SYNE3: variants seen among roughly 807,000 people sequenced by gnomAD.
SYNE3 encodes spectrin repeat containing nuclear envelope family member 3, also known as nesprin-3.
A neutral mutation model predicts 111.2 loss-of-function variants in SYNE3; 100 were observed. That is an observed-to-expected ratio of 0.90 (90% confidence interval 0.77 to 1.06). SYNE3 has a LOEUF of 1.06. Ranked by LOEUF, SYNE3 falls within the 50% of genes least tolerant of loss-of-function variation. The probability of loss-of-function intolerance (pLI) is 0.00; values close to 1 mark genes in which losing one functional copy is unlikely to be tolerated. For synonymous variants in SYNE3, 547 were observed against 533.9 expected (o/e 1.02, Z -0.34); for missense variants, 1,160 against 1,240.3 (o/e 0.94, Z 0.97).
At chr14:95,462,080 C>T (rs1887861543) in intron 4 of SYNE3, among the ~76,000 whole-genome samples, 1 of 152,246 alleles carries the variant, frequency 6.6e-6, no homozygotes. Flanking sequence ...TTCGGAAGAA[C>T]ATGGCACCCT....
chr14:95,480,316 G>C (rs1485717952), intron 1 of SYNE3, among the ~76,000 whole-genome samples: 2 of 152,198 alleles, frequency 1.3e-5, no homozygotes. Context: ...GGTGTATGGA[G>C]GAGACAGAAA....
chr14:95,511,708 C>T (rs571029799), intron 1 of SYNE3, among the ~76,000 whole-genome samples: 67 of 151,920 alleles, frequency 4.4e-4, no homozygotes, highest in Non-Finnish European at 7.8e-4. Context: ...GAGCAAGACT[C>T]CTTCTCAAAA....
At chr14:95,456,800 T>C (rs1887468861) in intron 5 of SYNE3, among the ~76,000 whole-genome samples, 1 of 152,132 alleles carries the variant, frequency 6.6e-6, no homozygotes, top group Non-Finnish European at 1.5e-5. Context: ...AACTATGACA[T>C]AGGTCAGGGT....
chr14:95,460,681 G>C (rs528367342), intron 4 of SYNE3, among the ~76,000 whole-genome samples: 1 of 152,182 alleles, frequency 6.6e-6, no homozygotes, highest in Non-Finnish European at 1.5e-5. Flanking sequence ...GGATGGCTCC[G>C]GGGCTTCGGC....
chr14:95,468,658 C>A (rs1566674313), intron 2 of SYNE3, among the ~76,000 whole-genome samples: 1 of 152,238 alleles, frequency 6.6e-6, no homozygotes, highest in Non-Finnish European at 1.5e-5. Context: ...TTCCTCCCTG[C>A]TCTTCTGGCC....
At position 95,466,176 on chromosome 14, in the gene SYNE3, AGC is replaced by A; in HGVS notation, c.380_381del (p.Arg127LeufsTer73). 1 of 1,604,734 alleles carries A rather than the reference AGC, an allele frequency of 6.2e-7. No individual in the cohort carries two copies. The highest frequency in any genetic ancestry group is 8.5e-7 in the Non-Finnish European group (1 of 1,172,468). On this transcript the variant is annotated frameshift_variant, in exon 4 of 18. Coordinates refer to ENST00000682763, the MANE Select transcript of SYNE3 (RefSeq NM_152592.6). LOFTEE classifies it high-confidence loss of function. ...EYLLARDEFY[R>X]WFQKMMVTLE... is the part of the protein sequence containing the mutation. Reference sequence around the variant, plus strand: ...AGTGTGACCATCATCTTCTGGAACCAGCGGTAGAACTCATCTCGGGCCAGCAG... The same window carrying A: ...AGTGTGACCATCATCTTCTGGAACCAGGTAGAACTCATCTCGGGCCAGCAG...
chr14:95,416,014 A>G lies in SYNE3; in HGVS notation c.*1812T>C, dbSNP rs150012283. 1 of 152,280 alleles carries G rather than the reference A, an allele frequency of 6.6e-6. No individual in the cohort carries two copies. The highest frequency in any genetic ancestry group is 2.4e-5 in the African/African-American group (1 of 41,552). 9.4% of individuals were successfully genotyped at this position (152,280 alleles called of 1,614,324 possible). ...CCATCTCAAAATAATTATAATAACAATAATAATAATAACTCAGAGCCAGGC... is the reference window on the plus strand; with the variant it reads ...CCATCTCAAAATAATTATAATAACAGTAATAATAATAACTCAGAGCCAGGC... On this transcript the variant is annotated 3_prime_UTR_variant, in exon 18 of 18. Coordinates refer to ENST00000682763, the MANE Select transcript of SYNE3 (RefSeq NM_152592.6).
In SYNE3 at chr14:95,414,738, A is replaced by T. The variant is rs1595164436; in HGVS notation, c.*3088T>A. 2 of 142,504 alleles carry T rather than the reference A, an allele frequency of 1.4e-5. No homozygotes were observed. Among genetic ancestry groups the T allele is most frequent in the South Asian group, 4.6e-4 (2 of 4,368 alleles). The allele number at this position is 142,504 out of a possible 1,614,324, so 8.8% of individuals were successfully genotyped here. ...ACACACACACACACACACACGCCAC[A>T]GCGCCACCTTTCTCAAGTAGCACCT... On this transcript the variant is annotated 3_prime_UTR_variant, in exon 18 of 18. Transcript: ENST00000682763.
chr14:95,453,221 C>T (rs1887199755), intron 6 of SYNE3, among the ~76,000 whole-genome samples: 1 of 152,136 alleles, frequency 6.6e-6, no homozygotes, highest in Non-Finnish European at 1.5e-5. Flanking sequence ...ATTGACAAGG[C>T]ACTTGGTACA....
Position 95,413,195 on chromosome 14 carries a change from T to TC in SYNE3, c.*4630_*4631insG, listed in dbSNP as rs1566949861. On this transcript the variant is annotated 3_prime_UTR_variant, in exon 18 of 18. Transcript: ENST00000682763. ...CCCTCCCTTCCTCCTTTTCTCTCTC[T>TC]TCTCTCTGTCTCTTTTGCTCTCACT... 2 of 145,410 alleles carry TC rather than the reference T, an allele frequency of 1.4e-5. No individual in the cohort carries two copies. Among genetic ancestry groups the TC allele is most frequent in the East Asian group, 4.2e-4 (2 of 4,798 alleles). 9.0% of individuals were successfully genotyped at this position (145,410 alleles called of 1,614,324 possible).
chr14:95,480,999 C>T (rs537174298), intron 1 of SYNE3, among the ~76,000 whole-genome samples: 88 of 152,276 alleles, frequency 5.8e-4, no homozygotes, highest in Middle Eastern at 3.4e-3. Flanking sequence ...TCCCCACCCC[C>T]GACCCCAGGC....
chr14:95,476,917 G>A (rs540861437), intron 1 of SYNE3, among the ~76,000 whole-genome samples: 1 of 152,322 alleles, frequency 6.6e-6, no homozygotes, highest in South Asian at 2.1e-4. Context: ...GCTTAAGTAA[G>A]TTATGGTACA....
Position 95,500,062 on chromosome 14 carries a change from G to A in SYNE3, c.-15+16534C>T, listed in dbSNP as rs1269496944. Among the ~76,000 whole-genome samples the A allele has an allele frequency of 2.0e-5, 3 of 151,964 alleles. No homozygotes were observed. The highest frequency in any genetic ancestry group is 4.4e-5 in the Non-Finnish European group (3 of 67,986). On this transcript the variant is annotated intron_variant, in intron 1 of 17. Coordinates refer to ENST00000682763, the MANE Select transcript of SYNE3 (RefSeq NM_152592.6). This position sits in a 1 kb window ranked among gnomAD's most constrained non-coding sequence, Gnocchi z 4.7. ...TTTAGTAGAGACGGAGTTTCACCATGTTGGTCAGGCTGGTCTTGAACTCTT... is the reference window on the plus strand; with the variant it reads ...TTTAGTAGAGACGGAGTTTCACCATATTGGTCAGGCTGGTCTTGAACTCTT...
chr14:95,506,935 C>T (rs1020695969), intron 1 of SYNE3, among the ~76,000 whole-genome samples: 2 of 152,128 alleles, frequency 1.3e-5, no homozygotes, highest in Non-Finnish European at 2.9e-5. Context: ...CCATCAAAGT[C>T]GAAAGTCAAA....
At position 95,474,733 on chromosome 14, in the gene SYNE3, G is replaced by A. The variant is rs115645668; in HGVS notation, c.144+945C>T. On this transcript the variant is annotated intron_variant, in intron 2 of 17. Transcript: ENST00000682763. ...GGGCATGAGATATATGCAATATGGT[G>A]CACAGTGCACAGAATCGAGAAGACA... Among the ~76,000 whole-genome samples the A allele has an allele frequency of 7.5e-3, 1,141 of 152,294 alleles. 12 individuals are homozygous for A. Among genetic ancestry groups the A allele is most frequent in the African/African-American group, 0.026 (1,091 of 41,552 alleles).
Position 95,446,061 on chromosome 14 carries a change from C to G in SYNE3, c.1480G>C (p.Glu494Gln), listed in dbSNP as rs1256100658. 3 of 1,614,150 alleles carry G rather than the reference C, an allele frequency of 1.9e-6. No individual in the cohort carries two copies. In the East Asian group the frequency reaches 6.7e-5, roughly 36 times the overall value. ...TTCAGCTGCAGCATCGTCAGCAGCT[C>G]TTTCAGGCGGGAGCTTTCCATCAGG... is the stretch of plus-strand genomic sequence containing the variant. ...AALMESSRLK[E>Q]LLTMLQLKKD... Residue 494 changes from glutamate to glutamine, a missense_variant, in exon 9 of 18, where the codon GAG becomes CAG. Glu to Gln is a conservative substitution (Grantham distance 29). Coordinates refer to ENST00000682763, the MANE Select transcript of SYNE3 (RefSeq NM_152592.6).
Position 95,450,089 on chromosome 14 carries a change from C to T in SYNE3, c.1291G>A (p.Ala431Thr), listed in dbSNP as rs753031485. The T allele has an allele frequency of 7.8e-5, 123 of 1,575,308 alleles. No individual in the cohort carries two copies. The highest frequency in any genetic ancestry group is 1.4e-5 in the African/African-American group (1 of 73,894). ...QEYQSLKVKS[A>T]RLRNAAAVEL... The stretch of plus-strand genomic sequence containing the variant: ...ACCGCCGCGGCATTGCGCAGCCTCG[C>T]GCTCTTCACCTTCAGGCTGCAAGGA... Residue 431 changes from alanine (A) to threonine (T), a missense_variant, in exon 8 of 18, where the codon GCG becomes ACG. Physicochemically the swap from Ala to Thr is moderately conservative, Grantham distance 58. Coordinates refer to ENST00000682763, the MANE Select transcript of SYNE3 (RefSeq NM_152592.6).
intron 9 of SYNE3, among the ~76,000 whole-genome samples, chr14:95,445,314 G>C (rs1886648719): frequency 6.6e-6 from 1 of 152,152 alleles, no homozygotes; most frequent in South Asian, 2.1e-4. Flanking sequence ...TGTAAAACGA[G>C]AAAAATAACA....
intron 15 of SYNE3, among the ~76,000 whole-genome samples, chr14:95,435,906 A>G (rs1358709362): frequency 6.6e-6 from 1 of 152,184 alleles, no homozygotes; most frequent in African/African-American, 2.4e-5. Flanking sequence ...CCCAACAGGA[A>G]GAAAGGAGGA....
Sources: allele counts gnomAD v4.1 joint callset (sites outside exome capture counted in the v4.1 genomes callset), GRCh38; gene constraint gnomAD v4.1.1; non-coding constraint Gnocchi (gnomAD v3.1); transcripts MANE v1.5; gene names NCBI Gene and HGNC (gene_info 2026-07-23, HGNC 2026-07-21).